PLCB1: variants seen among roughly 807,000 people sequenced by gnomAD.
The protein encoded by PLCB1 is 1-phosphatidylinositol 4,5-bisphosphate phosphodiesterase beta-1.
In PLCB1, 46 loss-of-function variants were observed where a neutral mutation model predicts 161.8. That is an observed-to-expected ratio of 0.28 (90% CI 0.22 to 0.36). PLCB1 has a LOEUF of 0.36. PLCB1 is among the 10% of genes least tolerant of loss of function. The pLI is 1.00. For synonymous variants in PLCB1, 517 were observed against 503.7 expected (o/e 1.03, Z -0.35); for missense variants, 1,016 against 1,472.5 (o/e 0.69, Z 5.07).
chr20:8,789,675 CTT>C, intron 30 of PLCB1, 100 bp downstream of exon 30: 1 of 858,516 alleles, frequency 1.2e-6, no homozygotes, highest in Non-Finnish European at 2.0e-6. Flanking sequence ...CTTGCCATAA[CTT>C]TTTATCACTA....
At chr20:8,191,545 A>G (rs1229997491) in intron 2 of PLCB1, among the ~76,000 whole-genome samples, 2 of 152,028 alleles carry the variant, frequency 1.3e-5, no homozygotes, top group African/African-American at 4.8e-5. Context: ...ATAATTATCA[A>G]AATCATAATG....
intron 2 of PLCB1, among the ~76,000 whole-genome samples, chr20:8,215,926 CAG>C (rs936988672): frequency 9.2e-5 from 14 of 151,996 alleles, no homozygotes; most frequent in African/African-American, 3.4e-4. Flanking sequence ...CTACTTTATG[CAG>C]AGTTAATTGG....
chr20:8,717,701 A>G lies in PLCB1; in HGVS notation c.1366A>G (p.Met456Val), dbSNP rs777452326. ...ATCTGGAGTTCCTCTTCCAAGCCCT[A>G]TGGATTTAATGTATAAAATTTTGGT... is the stretch of plus-strand genomic sequence containing the variant. ...LESGVPLPSP[M>V]DLMYKILVKN... Residue 456 changes from methionine to valine, a missense_variant, in exon 14 of 32, where the codon ATG becomes GTG. This residue lies in a region of PLCB1 where 56 missense variants were observed against 126.3 expected (regional missense o/e 0.44). Transcript: ENST00000338037. 9.9e-6 allele frequency: 16 copies of G among 1,612,410 alleles called. No homozygotes were observed. Among genetic ancestry groups the G allele is most frequent in the Admixed American group, 5.0e-5 (3 of 59,670 alleles).
At chr20:8,481,013 A>G (rs1361004183) in intron 3 of PLCB1, among the ~76,000 whole-genome samples, 1 of 152,156 alleles carries the variant, frequency 6.6e-6, no homozygotes, top group Non-Finnish European at 1.5e-5. Flanking sequence ...CTGGGGCCAG[A>G]GAATAAGTTG....
chr20:8,655,657 T>C (rs190466021), intron 7 of PLCB1, among the ~76,000 whole-genome samples: 1 of 152,086 alleles, frequency 6.6e-6, no homozygotes, highest in Non-Finnish European at 1.5e-5. Flanking sequence ...TTGAGTGAAG[T>C]TGGTGAAAGG....
rs559615726 is a variant in PLCB1, at chr20:8,306,618, A to G, written c.178-64764A>G. On this transcript the variant is annotated intron_variant, in intron 2 of 31. Coordinates refer to ENST00000338037, the MANE Select transcript of PLCB1 (RefSeq NM_015192.4). ...GTAATGTCTGTAATGCGAATAGCCTAGTGCAGGCATACAACAGATGCCCCA... is the reference window on the plus strand; with the variant it reads ...GTAATGTCTGTAATGCGAATAGCCTGGTGCAGGCATACAACAGATGCCCCA... Among the ~76,000 whole-genome samples the G allele has an allele frequency of 3.0e-4, 46 of 152,366 alleles. 1 individual carries two copies. The highest frequency in any genetic ancestry group is 1.1e-3 in the African/African-American group (46 of 41,586).
chr20:8,436,003 AAC>A (rs1288490676), intron 3 of PLCB1, among the ~76,000 whole-genome samples: 4 of 152,184 alleles, frequency 2.6e-5, no homozygotes, highest in African/African-American at 9.7e-5. Context: ...CAAGGAAAAT[AAC>A]AGTGTGTTCT....
At chr20:8,744,621 A>AAAATAAAATAAAATAAAATAAAAT (rs1484093643) in intron 23 of PLCB1, among the ~76,000 whole-genome samples, 2 of 122,478 alleles carry the variant, frequency 1.6e-5, no homozygotes, top group African/African-American at 3.1e-5. Flanking sequence ...TAAAATAAAT[A>AAAATAAAATAAAATAAAATAAAAT]AAATAAAATA....
chr20:8,346,109 C>T (rs1373731257), intron 2 of PLCB1, among the ~76,000 whole-genome samples: 4 of 152,160 alleles, frequency 2.6e-5, no homozygotes, highest in South Asian at 4.1e-4. Context: ...AAGAAAATAA[C>T]TTATTGAATA....
intron 3 of PLCB1, among the ~76,000 whole-genome samples, chr20:8,590,173 G>A (rs1480150959): frequency 6.6e-6 from 1 of 152,142 alleles, no homozygotes; most frequent in Non-Finnish European, 1.5e-5. Context: ...AGGAGCCTGG[G>A]AATGACTCAA....
chr20:8,433,254 A>G (rs572377426), intron 3 of PLCB1, among the ~76,000 whole-genome samples: 3 of 152,306 alleles, frequency 2.0e-5, no homozygotes, highest in African/African-American at 7.2e-5. Context: ...AGTAACTGTA[A>G]AGTTTTAACC....
rs769263328 is a variant in PLCB1, at chr20:8,132,605, G to C, written c.-47G>C. 7.1e-7 allele frequency: 1 copy of C among 1,400,386 alleles called. No individual in the cohort carries two copies. The highest frequency in any genetic ancestry group is 1.2e-5 in the South Asian group (1 of 80,682). The allele number at this position is 1,400,386 out of a possible 1,614,324, so 86.7% of individuals were successfully genotyped here. ...CCCCGCGCCCCGCGCACGGTCCCCA[G>C]TCCCTGCCGCGCTCGCCCGGGCCGC... is the stretch of plus-strand genomic sequence containing the variant. On this transcript the variant is annotated 5_prime_UTR_variant, in exon 1 of 32. Coordinates refer to ENST00000338037, the MANE Select transcript of PLCB1 (RefSeq NM_015192.4). The surrounding 1 kb of genome is among the most constrained non-coding windows in gnomAD (Gnocchi z 5.2).
chr20:8,595,017 T>C (rs565878107), intron 3 of PLCB1, among the ~76,000 whole-genome samples: 1 of 152,206 alleles, frequency 6.6e-6, no homozygotes, highest in Non-Finnish European at 1.5e-5. Context: ...AAAGTATATA[T>C]AGACTACATA....
At chr20:8,443,315 TG>T (rs1980657524) in intron 3 of PLCB1, among the ~76,000 whole-genome samples, 1 of 152,192 alleles carries the variant, frequency 6.6e-6, no homozygotes, top group Admixed American at 6.5e-5. Flanking sequence ...CAGTTGACTG[TG>T]GGTCCTAACC....
At chr20:8,430,760 C>T (rs539890597) in intron 3 of PLCB1, among the ~76,000 whole-genome samples, 27 of 152,118 alleles carry the variant, frequency 1.8e-4, no homozygotes, top group Middle Eastern at 6.8e-3. Flanking sequence ...TGATACCAGC[C>T]CCTATAGGAA....
intron 3 of PLCB1, among the ~76,000 whole-genome samples, chr20:8,461,963 T>C (rs1981597874): frequency 6.6e-6 from 1 of 152,148 alleles, no homozygotes; most frequent in Non-Finnish European, 1.5e-5. Context: ...TTTAAAGTTA[T>C]ATAATGGACA....
chr20:8,473,918 TA>T (rs1429129488), intron 3 of PLCB1, among the ~76,000 whole-genome samples: 1 of 152,162 alleles, frequency 6.6e-6, no homozygotes, highest in Admixed American at 6.5e-5. Context: ...GCATTATCTT[TA>T]AAAACAAGAA....
At chr20:8,573,387 G>A (rs1383763666) in intron 3 of PLCB1, among the ~76,000 whole-genome samples, 1 of 152,174 alleles carries the variant, frequency 6.6e-6, no homozygotes, top group Non-Finnish European at 1.5e-5. Flanking sequence ...CAGAGAAATG[G>A]TGCTGTGTTT....
At chr20:8,292,021 C>T (rs1034718717) in intron 2 of PLCB1, among the ~76,000 whole-genome samples, 7 of 152,060 alleles carry the variant, frequency 4.6e-5, no homozygotes, top group African/African-American at 7.2e-5. Flanking sequence ...ATAAAGTCAG[C>T]ACATAGTGGA....
Sources: allele counts gnomAD v4.1 joint callset (sites outside exome capture counted in the v4.1 genomes callset), GRCh38; gene constraint gnomAD v4.1.1; regional missense constraint gnomAD v4.1.1; non-coding constraint Gnocchi (gnomAD v3.1); transcripts MANE v1.5; gene names NCBI Gene and HGNC (gene_info 2026-07-23, HGNC 2026-07-21).